The following ROCK1 variants were observed in gnomAD, a reference collection of about 807,000 sequenced individuals.
ROCK1 encodes the protein Rho associated coiled-coil containing protein kinase 1, also known as rho-associated protein kinase 1.
A neutral mutation model predicts 196.8 loss-of-function variants in ROCK1; 36 were observed. The observed-to-expected ratio is 0.18, with a 90% CI of 0.14 to 0.24. The LOEUF (loss-of-function observed/expected upper bound fraction) is 0.24. Ranked by LOEUF, ROCK1 falls within the 10% of genes least tolerant of loss-of-function variation. The pLI, the probability that ROCK1 is intolerant of heterozygous loss-of-function variation, is 1.00. For synonymous variants in ROCK1, 443 were observed against 515.9 expected (o/e 0.86, Z 1.91); for missense variants, 920 against 1,562.0 (o/e 0.59, Z 6.93).
chr18:21,017,507 ATTAC>A (rs1434573923), intron 12 of ROCK1, among the ~76,000 whole-genome samples: 2 of 151,858 alleles, frequency 1.3e-5, no homozygotes, highest in South Asian at 2.1e-4. Flanking sequence ...CTTCTTGATA[ATTAC>A]TTACTTGTTT....
intron 1 of ROCK1, among the ~76,000 whole-genome samples, chr18:21,095,181 C>CT (rs573110096): frequency 3.4e-5 from 5 of 146,716 alleles, no homozygotes; most frequent in Admixed American, 6.8e-5. Flanking sequence ...GTTAAAGTAG[C>CT]TTTTTTTTTT....
At chr18:21,021,560 A>G (rs531570141) in intron 11 of ROCK1, among the ~76,000 whole-genome samples, 2 of 152,350 alleles carry the variant, frequency 1.3e-5, no homozygotes, top group South Asian at 4.1e-4. Flanking sequence ...AAAATAAGAT[A>G]TGGGCTGAAA....
intron 16 of ROCK1, among the ~76,000 whole-genome samples, chr18:20,997,385 TA>T (rs2035681195): frequency 6.6e-6 from 1 of 152,002 alleles, no homozygotes; most frequent in African/African-American, 2.4e-5. Flanking sequence ...ACAAAAACTA[TA>T]AAAAGGCACA....
Position 20,947,486 on chromosome 18 carries a change from C to A in ROCK1, c.*3898G>T, listed in dbSNP as rs1352502144. 1.3e-5 allele frequency: 2 copies of A among 151,746 alleles called. No individual in the cohort carries two copies. Among genetic ancestry groups the A allele is most frequent in the African/African-American group, 2.4e-5 (1 of 41,286 alleles). The allele number at this position is 151,746 out of a possible 1,614,324, so 9.4% of individuals were successfully genotyped here. Reference sequence around the variant, plus strand: ...GCTTTATATATACATACTATCCAACCAGAAATTGATTTGAACAGTAAACAT... The same window carrying A: ...GCTTTATATATACATACTATCCAACAAGAAATTGATTTGAACAGTAAACAT... On this transcript the variant is annotated 3_prime_UTR_variant, in exon 33 of 33. Transcript: ENST00000399799.
At chr18:21,106,804 T>G (rs1440399949) in intron 1 of ROCK1, among the ~76,000 whole-genome samples, 1 of 152,184 alleles carries the variant, frequency 6.6e-6, no homozygotes, top group African/African-American at 2.4e-5. Flanking sequence ...CATTTATACA[T>G]GATATGAAGA....
chr18:21,096,091 T>C (rs149615892), intron 1 of ROCK1, among the ~76,000 whole-genome samples: 1,570 of 152,260 alleles, frequency 0.01, 30 homozygotes, highest in African/African-American at 0.036. Context: ...GTGACTATTA[T>C]ACATTGTATG....
At chr18:21,021,825 A>G (rs1271307363) in intron 11 of ROCK1, among the ~76,000 whole-genome samples, 3 of 152,182 alleles carry the variant, frequency 2.0e-5, no homozygotes, top group South Asian at 4.1e-4. Context: ...TTCTAACTCT[A>G]CAGTCAAGTA....
intron 1 of ROCK1, among the ~76,000 whole-genome samples, chr18:21,078,069 C>T (rs1355326912): frequency 1.3e-5 from 2 of 152,176 alleles, no homozygotes; most frequent in African/African-American, 4.8e-5. Flanking sequence ...TGGCTCATGC[C>T]TGTAATCCCA....
intron 2 of ROCK1, among the ~76,000 whole-genome samples, chr18:21,059,112 T>C (rs1451597992): frequency 6.6e-6 from 1 of 152,204 alleles, no homozygotes; most frequent in African/African-American, 2.4e-5. Flanking sequence ...CATTAGTGAC[T>C]GTCCAGTCTT....
intron 1 of ROCK1, among the ~76,000 whole-genome samples, chr18:21,072,792 C>T (rs2143554514): frequency 6.6e-6 from 1 of 152,146 alleles, no homozygotes; most frequent in South Asian, 2.1e-4. Flanking sequence ...TAGAGGAGGC[C>T]AGGCACGGTG....
intron 16 of ROCK1, among the ~76,000 whole-genome samples, chr18:20,997,789 T>A (rs929231196): frequency 1.4e-4 from 22 of 151,764 alleles, no homozygotes; most frequent in African/African-American, 5.3e-4. Flanking sequence ...CATGTATCTA[T>A]CTTCTCTGAC....
intron 22 of ROCK1, among the ~76,000 whole-genome samples, chr18:20,978,746 G>A (rs2035503112): frequency 6.6e-6 from 1 of 152,142 alleles, no homozygotes; most frequent in Admixed American, 6.5e-5. Context: ...ATTAGTTTTA[G>A]GATGGTGATT....
rs2036267983 is a variant in ROCK1, at chr18:21,059,115, C to G, written c.176-9235G>C. The stretch of plus-strand genomic sequence containing the variant: ...ATATATATATATCATTAGTGACTGT[C>G]CAGTCTTATAGTTCTAGATAAGATA... On this transcript the variant is annotated intron_variant, in intron 2 of 32. Coordinates refer to ENST00000399799, the MANE Select transcript of ROCK1 (RefSeq NM_005406.3). Among the ~76,000 whole-genome samples the G allele has an allele frequency of 2.0e-5, 3 of 152,244 alleles. No individual in the cohort carries two copies. In the South Asian group the frequency reaches 6.2e-4, roughly 32 times the overall value.
At chr18:21,079,539 G>C (rs1276849055) in intron 1 of ROCK1, among the ~76,000 whole-genome samples, 2 of 152,208 alleles carry the variant, frequency 1.3e-5, no homozygotes, top group Non-Finnish European at 1.5e-5. Flanking sequence ...ATTCCCATCA[G>C]GCATTTCCTG....
chr18:21,047,024 T>C (rs1568394215), intron 4 of ROCK1, among the ~76,000 whole-genome samples: 7 of 152,038 alleles, frequency 4.6e-5, no homozygotes, highest in Admixed American at 3.9e-4. Flanking sequence ...GAGAGAAGGA[T>C]AAGAAACAAA....
rs1289020464 is a variant in ROCK1, at chr18:20,991,207, A to G, written c.2112T>C (p.Ser704=). The part of the protein sequence containing the change: ...TKARLTDKHQ[S]IEEAKSVAMC... ...TTGCCACAGACTTTGCCTCTTCAAT[A>G]GATTGATGTTTGTCAGTTAAACGAG... is the stretch of plus-strand genomic sequence containing the variant. The change falls in exon 18 of 33, where the codon TCT becomes TCC. Residue 704 remains serine (S), a synonymous_variant. Transcript: ENST00000399799. The G allele has an allele frequency of 6.2e-7, 1 of 1,611,636 alleles. No individual in the cohort carries two copies. The highest frequency in any genetic ancestry group is 8.5e-7 in the Non-Finnish European group (1 of 1,179,348).
chr18:21,078,989 T>C (rs1207611576), intron 1 of ROCK1, among the ~76,000 whole-genome samples: 10 of 152,176 alleles, frequency 6.6e-5, no homozygotes, highest in African/African-American at 1.7e-4. Context: ...CTCAACTAAA[T>C]TGGGGTATAG....
At chr18:21,043,609 A>G (rs1313944580) in intron 6 of ROCK1, among the ~76,000 whole-genome samples, 7 of 149,084 alleles carry the variant, frequency 4.7e-5, no homozygotes, top group Admixed American at 3.4e-4. Context: ...ATATGTATAT[A>G]CATATACAGC....
chr18:20,966,856 G>A, intron 27 of ROCK1, 61 bp downstream of exon 27: 1 of 1,333,342 alleles, frequency 7.5e-7, no homozygotes, highest in East Asian at 2.4e-5. Flanking sequence ...CCAAATGAAA[G>A]AAATATACAC....
Sources: allele counts gnomAD v4.1 joint callset (sites outside exome capture counted in the v4.1 genomes callset), GRCh38; gene constraint gnomAD v4.1.1; transcripts MANE v1.5; gene names NCBI Gene and HGNC (gene_info 2026-07-23, HGNC 2026-07-21).